Variants in SATB1 observed in about 807,000 individuals in gnomAD.
SATB1 encodes the protein SATB homeobox 1.
In SATB1, 11 loss-of-function variants were observed where a neutral mutation model predicts 86.9. The observed-to-expected ratio is 0.13, with a 90% CI of 0.08 to 0.21. The LOEUF is 0.21. SATB1 is among the 10% of genes least tolerant of loss of function. SATB1 has a pLI of 1.00. For synonymous variants in SATB1, 357 were observed against 357.2 expected, an observed-to-expected ratio of 1.00 and a Z score of 0.01; for missense variants, 551 against 937.6, an observed-to-expected ratio of 0.59 and a Z score of 5.39.
chr3:18,415,955 A>T (rs1216969387), intron 4 of SATB1, 52 bp downstream of exon 4: 6 of 1,492,866 alleles, frequency 4.0e-6, no homozygotes, highest in Non-Finnish European at 5.4e-6. Context: ...GCTTCATTTC[A>T]AAAGACCAGG....
intron 6 of SATB1, 89 bp downstream of exon 6, chr3:18,397,090 A>G: frequency 1.3e-6 from 1 of 782,404 alleles, no homozygotes; most frequent in Admixed American, 1.8e-5. Flanking sequence ...TTGGGCAATC[A>G]AAAGACCTGG....
upstream of SATB1, chr3:18,425,339 T>TGGCGGCGGCGGCGGC (rs772437246): frequency 6.8e-6 from 1 of 148,060 alleles, no homozygotes; most frequent in Non-Finnish European, 1.5e-5. Context: ...AGCGAGAAAG[T>TGGCGGCGGCGGCGGC]GGCGGCGGCG....
intron 9 of SATB1, among the ~76,000 whole-genome samples, chr3:18,359,406 A>T (rs1156499248): frequency 6.6e-6 from 1 of 152,102 alleles, no homozygotes; most frequent in Non-Finnish European, 1.5e-5. Context: ...TGAACATAAA[A>T]GTATAAAATT....
intron 8 of SATB1, among the ~76,000 whole-genome samples, chr3:18,382,999 C>T (rs575883264): frequency 6.6e-5 from 10 of 152,208 alleles, no homozygotes; most frequent in Non-Finnish European, 1.3e-4. Flanking sequence ...ATGTATTCAG[C>T]TGCTTTCAGA....
intron 5 of SATB1, among the ~76,000 whole-genome samples, chr3:18,410,432 C>T (rs1212358526): frequency 1.3e-5 from 2 of 151,944 alleles, no homozygotes; most frequent in Non-Finnish European, 2.9e-5. Flanking sequence ...GCGATGTAGC[C>T]ATGGACGCTC....
chr3:18,377,000 T>C (rs997633831), intron 9 of SATB1, among the ~76,000 whole-genome samples: 2 of 152,202 alleles, frequency 1.3e-5, no homozygotes, highest in Non-Finnish European at 2.9e-5. Context: ...TTTAATCATT[T>C]TTATATAACA....
Position 18,394,651 on chromosome 3 carries a change from C to A in SATB1, c.1017G>T (p.Gln339His). 6.2e-7 allele frequency: 1 copy of A among 1,614,154 alleles called. No individual in the cohort carries two copies. The highest frequency in any genetic ancestry group is 1.1e-5 in the South Asian group (1 of 91,086). Reference protein sequence around the residue: ...QQYAVNRLLAQQSLNQQYLNH... With the variant: ...QQYAVNRLLAHQSLNQQYLNH... ...TCAAGTATTGTTGGTTTAAGGACTGCTGGGCTAAAAGTCTATTCACTGCAT... is the reference window on the plus strand; with the variant it reads ...TCAAGTATTGTTGGTTTAAGGACTGATGGGCTAAAAGTCTATTCACTGCAT... Residue 339 changes from glutamine (Q) to histidine (H), a missense_variant, in exon 7 of 11, where the codon CAG (glutamine) becomes CAT (histidine). Around this residue, in one of 8 missense-constraint regions of SATB1, gnomAD observed 119 missense variants for 171.1 expected, o/e 0.70. Coordinates refer to ENST00000338745, the MANE Select transcript of SATB1 (RefSeq NM_002971.6). The surrounding 1 kb of genome is among the most constrained non-coding windows in gnomAD (Gnocchi z 5.9).
At chr3:18,396,532 C>A (rs1696972195) in intron 6 of SATB1, among the ~76,000 whole-genome samples, 2 of 152,124 alleles carry the variant, frequency 1.3e-5, no homozygotes, top group South Asian at 4.2e-4. Context: ...TTTTATCTAT[C>A]ATTTTACACT....
chr3:18,364,558 A>T (rs1435632199), intron 9 of SATB1, among the ~76,000 whole-genome samples: 8 of 152,090 alleles, frequency 5.3e-5, no homozygotes. Context: ...CAGTAAGAAG[A>T]GGTTGGAGAA....
chr3:18,398,645 A>C (rs1187865265), intron 5 of SATB1, among the ~76,000 whole-genome samples: 1 of 152,198 alleles, frequency 6.6e-6, no homozygotes, highest in Non-Finnish European at 1.5e-5. Flanking sequence ...GGGATCTCTA[A>C]AGAACTTCCA....
Position 18,378,185 on chromosome 3 carries a change from T to C in SATB1, c.1560A>G (p.Ala520=). ...AGGCTCTTACCTGGCTTTTGGTTGCTGCAACCTTTGCAAACAGTGCTTGAG... is the reference window on the plus strand; with the variant it reads ...AGGCTCTTACCTGGCTTTTGGTTGCCGCAACCTTTGCAAACAGTGCTTGAG... The part of the protein sequence containing the change: ...KVSQALFAKV[A]ATKSQGWLCE... The change falls in exon 9 of 11, where the codon GCA becomes GCG. Residue 520 remains alanine (A), a synonymous_variant. Coordinates refer to ENST00000338745, the MANE Select transcript of SATB1 (RefSeq NM_002971.6). The C allele has an allele frequency of 1.3e-6, 2 of 1,585,642 alleles. No individual in the cohort carries two copies. Among genetic ancestry groups the C allele is most frequent in the Non-Finnish European group, 1.7e-6 (2 of 1,168,732 alleles).
At chr3:18,415,373 G>C in intron 4 of SATB1, 139 bp from the exon 5 acceptor site, 2 of 937,914 alleles carry the variant, frequency 2.1e-6, no homozygotes, top group Non-Finnish European at 3.2e-6. Context: ...TGATTGTTCC[G>C]ATTAGTTAAT....
At chr3:18,357,081 GA>G (rs1694682750) in intron 9 of SATB1, among the ~76,000 whole-genome samples, 1 of 151,684 alleles carries the variant, frequency 6.6e-6, no homozygotes, top group Admixed American at 6.6e-5. Flanking sequence ...AAATACATCT[GA>G]AAAAACAGAA....
chr3:18,400,773 T>C (rs1697221090), intron 5 of SATB1, among the ~76,000 whole-genome samples: 1 of 152,212 alleles, frequency 6.6e-6, no homozygotes, highest in Admixed American at 6.5e-5. Flanking sequence ...GACTATGTTT[T>C]GAGTATCAGA....
At chr3:18,439,258 A>G (rs899549125), upstream of SATB1, among the ~76,000 whole-genome samples, 4 of 152,240 alleles carry the variant, frequency 2.6e-5, no homozygotes, top group Admixed American at 2.0e-4. Context: ...GAAAGAGGTT[A>G]TTAGAATTTC....
At chr3:18,428,941 G>A (rs1201544038), upstream of SATB1, among the ~76,000 whole-genome samples, 1 of 152,148 alleles carries the variant, frequency 6.6e-6, no homozygotes, top group South Asian at 2.1e-4. Context: ...TAGCAACTCC[G>A]CCAGTGACTG....
intron 9 of SATB1, among the ~76,000 whole-genome samples, chr3:18,355,868 T>C (rs1694606816): frequency 6.6e-6 from 1 of 151,932 alleles, no homozygotes; most frequent in Non-Finnish European, 1.5e-5. Flanking sequence ...AGGAACAACC[T>C]AAACTTTAAA....
upstream of SATB1, among the ~76,000 whole-genome samples, chr3:18,429,409 G>A (rs1015945031): frequency 6.6e-6 from 1 of 152,218 alleles, no homozygotes; most frequent in Non-Finnish European, 1.5e-5. This position sits in a 1 kb window ranked among gnomAD's most constrained non-coding sequence, Gnocchi z 4.1. Flanking sequence ...CATATTATCT[G>A]TGACCGACAT....
At chr3:18,396,303 T>C (rs1050491089) in intron 6 of SATB1, among the ~76,000 whole-genome samples, 3 of 152,060 alleles carry the variant, frequency 2.0e-5, no homozygotes, top group Admixed American at 6.6e-5. Flanking sequence ...AAAAATTAAA[T>C]GAATGTAAAG....
Sources: gnomAD v4.1 joint callset for allele counts (sites outside exome capture counted in the v4.1 genomes callset) on GRCh38, gnomAD v4.1.1 for gene constraint, gnomAD v4.1.1 regional missense constraint, Gnocchi (gnomAD v3.1) non-coding constraint, MANE v1.5 for transcripts, NCBI Gene and HGNC (gene_info 2026-07-23, HGNC 2026-07-21) for gene names.